The following PDE4D variants were observed in gnomAD, a reference collection of about 807,000 sequenced individuals.
PDE4D encodes the protein 3',5'-cyclic-AMP phosphodiesterase 4D.
A neutral mutation model predicts 87.4 loss-of-function variants in PDE4D; 24 were observed. The ratio of observed to expected loss-of-function variants is 0.27; its 90% CI spans 0.20 to 0.39. The LOEUF is 0.39. Ranked by LOEUF, PDE4D falls within the 10% of genes least tolerant of loss-of-function variation. The pLI is 1.00. For missense variants in PDE4D, 714 were observed against 1,041.0 expected, an observed-to-expected ratio of 0.69 and a Z score of 4.32; for synonymous variants, 384 against 383.2, an observed-to-expected ratio of 1.00 and a Z score of -0.02.
At chr5:59,265,324 G>T (rs1041426942) in intron 1 of PDE4D, among the ~76,000 whole-genome samples, 2 of 151,790 alleles carry the variant, frequency 1.3e-5, no homozygotes, top group African/African-American at 4.8e-5. Context: ...TTCTTATTTT[G>T]CCACCTCCAC....
intron 2 of PDE4D, among the ~76,000 whole-genome samples, chr5:60,160,448 T>A (rs936326688): frequency 6.6e-6 from 1 of 152,122 alleles, no homozygotes; most frequent in Non-Finnish European, 1.5e-5. Flanking sequence ...AATATAGAGC[T>A]CTGTGGATTG....
chr5:59,207,310 A>G (rs1165463182), intron 2 of PDE4D, among the ~76,000 whole-genome samples: 4 of 152,166 alleles, frequency 2.6e-5, no homozygotes, highest in African/African-American at 9.7e-5. Context: ...GTGAGAGTAC[A>G]CTAGTGTACC....
intron 1 of PDE4D, among the ~76,000 whole-genome samples, chr5:60,370,650 T>C (rs1760944072): frequency 1.3e-5 from 2 of 152,294 alleles, no homozygotes; most frequent in South Asian, 4.1e-4. Context: ...TTTAAGAACA[T>C]TTTTTAACCT....
chr5:60,146,615 G>A (rs1028824848), intron 2 of PDE4D, among the ~76,000 whole-genome samples: 3 of 152,062 alleles, frequency 2.0e-5, no homozygotes, highest in Non-Finnish European at 2.9e-5. Flanking sequence ...AAAAGCAAAT[G>A]TACATAAATG....
chr5:59,386,382 TC>T (rs1281613065), intron 1 of PDE4D, among the ~76,000 whole-genome samples: 8 of 152,096 alleles, frequency 5.3e-5, no homozygotes, highest in Non-Finnish European at 8.8e-5. Flanking sequence ...AGAAAATATT[TC>T]TTTTTATTAC....
At chr5:59,148,511 T>C (rs983500487) in intron 5 of PDE4D, among the ~76,000 whole-genome samples, 2 of 152,106 alleles carry the variant, frequency 1.3e-5, no homozygotes, top group African/African-American at 4.8e-5. Context: ...CCTCAAACAG[T>C]GTGGAGAGGG....
chr5:60,046,920 T>A (rs1282047426), intron 2 of PDE4D, among the ~76,000 whole-genome samples: 1 of 152,208 alleles, frequency 6.6e-6, no homozygotes, highest in African/African-American at 2.4e-5. Context: ...TTCTATTGAT[T>A]GGAATAGTTT....
chr5:59,326,887 C>T (rs140763735), intron 1 of PDE4D, among the ~76,000 whole-genome samples: 2 of 152,092 alleles, frequency 1.3e-5, no homozygotes, highest in Non-Finnish European at 2.9e-5. Context: ...ATGACTTCAT[C>T]ATTTCCCCAA....
chr5:59,586,039 A>C (rs879171136), intron 1 of PDE4D, among the ~76,000 whole-genome samples: 4 of 152,234 alleles, frequency 2.6e-5, no homozygotes, highest in Admixed American at 1.3e-4. Context: ...TCTTTAAAAA[A>C]ATTTATTAAA....
chr5:59,311,582 C>T (rs1391677326), intron 1 of PDE4D, among the ~76,000 whole-genome samples: 1 of 151,238 alleles, frequency 6.6e-6, no homozygotes, highest in East Asian at 1.9e-4. Flanking sequence ...TTACTCTTCC[C>T]TGTTCTGTCT....
At chr5:59,959,454 C>T (rs1363994026) in intron 3 of PDE4D, among the ~76,000 whole-genome samples, 1 of 152,096 alleles carries the variant, frequency 6.6e-6, no homozygotes, top group Non-Finnish European at 1.5e-5. Flanking sequence ...CACCTGACTT[C>T]AAATTATACT....
At chr5:59,220,447 T>C (rs1269846289) in intron 1 of PDE4D, among the ~76,000 whole-genome samples, 1 of 102,636 alleles carries the variant, frequency 9.7e-6, no homozygotes, top group Non-Finnish European at 2.2e-5. Flanking sequence ...GAAAAATAAA[T>C]GTTTTAACTA....
intron 1 of PDE4D, among the ~76,000 whole-genome samples, chr5:60,281,908 A>G (rs1443885083): frequency 2.6e-5 from 4 of 151,776 alleles, no homozygotes; most frequent in African/African-American, 9.7e-5. Context: ...CTGTTGATGC[A>G]TGCCTGTAGT....
At chr5:60,037,307 G>A (rs943899851) in intron 2 of PDE4D, among the ~76,000 whole-genome samples, 2 of 152,002 alleles carry the variant, frequency 1.3e-5, no homozygotes, top group African/African-American at 4.8e-5. Flanking sequence ...AAGCTCATTT[G>A]AACATAACAT....
chr5:59,006,700 C>T (rs1006146936), intron 6 of PDE4D, among the ~76,000 whole-genome samples: 1 of 152,122 alleles, frequency 6.6e-6, no homozygotes, highest in African/African-American at 2.4e-5. Context: ...TTTCTCAGTC[C>T]TTACCAGATA....
intron 2 of PDE4D, among the ~76,000 whole-genome samples, chr5:60,142,142 C>A (rs1780584668): frequency 6.6e-6 from 1 of 150,976 alleles, no homozygotes; most frequent in Non-Finnish European, 1.5e-5. Flanking sequence ...ATCACAGGAT[C>A]CTGCCCAAAA....
chr5:59,111,744 C>CT (rs1772681273), intron 5 of PDE4D, among the ~76,000 whole-genome samples: 1 of 152,186 alleles, frequency 6.6e-6, no homozygotes, highest in South Asian at 2.1e-4. Flanking sequence ...CTGAGTGAAA[C>CT]TTTCAATTAT....
chr5:59,782,190 A>T (rs1764704537), intron 1 of PDE4D, among the ~76,000 whole-genome samples: 1 of 152,210 alleles, frequency 6.6e-6, no homozygotes, highest in African/African-American at 2.4e-5. Context: ...CTGCTTTTTC[A>T]CCATATAGAC....
intron 1 of PDE4D, among the ~76,000 whole-genome samples, chr5:59,416,812 C>G (rs1346245603): frequency 1.3e-5 from 2 of 152,142 alleles, no homozygotes; most frequent in East Asian, 3.8e-4. Context: ...TATGCCAGCT[C>G]TCTTGACATA....
Sources: allele counts gnomAD v4.1 joint callset (sites outside exome capture counted in the v4.1 genomes callset), GRCh38; gene constraint gnomAD v4.1.1; transcripts MANE v1.5; gene names NCBI Gene and HGNC (gene_info 2026-07-23, HGNC 2026-07-21).